Variants in NXPE2 observed in about 807,000 individuals in gnomAD.
The protein encoded by NXPE2 is neurexophilin and PC-esterase domain family member 2.
In NXPE2, 34 loss-of-function variants were observed where a neutral mutation model predicts 34.4. The observed-to-expected ratio is 0.99, with a 90% CI of 0.75 to 1.31. The LOEUF (loss-of-function observed/expected upper bound fraction) is 1.31, where lower values mean the gene tolerates loss of function less well. Ranked by LOEUF, NXPE2 falls within the 40% of genes most tolerant of loss-of-function variation. The pLI, the probability that NXPE2 is intolerant of heterozygous loss-of-function variation, is 0.00. For missense variants in NXPE2, 649 were observed against 672.5 expected (o/e 0.97, Z 0.39); for synonymous variants, 235 against 231.3 (o/e 1.02, Z -0.15).
At chr11:114,568,038 T>G in the NXPE2 span, among the ~76,000 whole-genome samples, 2 of 152,136 alleles carry the variant, frequency 1.3e-5, no homozygotes, top group Non-Finnish European at 2.9e-5. Context: ...TGCCACAGTG[T>G]GTATATTGAT....
At chr11:114,761,300 C>T in the NXPE2 span, among the ~76,000 whole-genome samples, 11 of 152,142 alleles carry the variant, frequency 7.2e-5, no homozygotes, top group Middle Eastern at 3.2e-3. Context: ...GAGAGCAGTA[C>T]GTTCAGCTAT....
chr11:114,813,025 T>C, the NXPE2 span, among the ~76,000 whole-genome samples: 108 of 151,370 alleles, frequency 7.1e-4, no homozygotes, highest in Non-Finnish European at 1.3e-3. Context: ...GCTCTGGGGG[T>C]CAGGGCCACA....
At chr11:114,795,534 C>T in the NXPE2 span, among the ~76,000 whole-genome samples, 1 of 152,134 alleles carries the variant, frequency 6.6e-6, no homozygotes, top group South Asian at 2.1e-4. Flanking sequence ...TTCATCTCTC[C>T]CCGTCTGTTT....
chr11:114,760,089 A>G, the NXPE2 span, among the ~76,000 whole-genome samples: 68 of 152,192 alleles, frequency 4.5e-4, no homozygotes, highest in African/African-American at 1.5e-3. Flanking sequence ...ATTGGGTGCT[A>G]TGGTCTGAAG....
At chr11:114,679,010 C>T (rs755487752) in intron 1 of NXPE2, among the ~76,000 whole-genome samples, 1 of 151,554 alleles carries the variant, frequency 6.6e-6, no homozygotes, top group Non-Finnish European at 1.5e-5. Flanking sequence ...AGCTCTTTGC[C>T]ACATACTTTT....
the NXPE2 span, among the ~76,000 whole-genome samples, chr11:114,536,328 C>T: frequency 1.3e-5 from 2 of 152,070 alleles, no homozygotes. Context: ...CAAGAGAAAG[C>T]AGGAAAGATG....
At chr11:114,668,321 A>G in the NXPE2 span, among the ~76,000 whole-genome samples, 1 of 151,930 alleles carries the variant, frequency 6.6e-6, no homozygotes, top group Non-Finnish European at 1.5e-5. Flanking sequence ...CTGCTAGTGA[A>G]CAGGCTAACA....
chr11:114,777,187 C>A, the NXPE2 span, among the ~76,000 whole-genome samples: 2 of 152,128 alleles, frequency 1.3e-5, no homozygotes, highest in Admixed American at 6.5e-5. Context: ...ATCGTGAGAT[C>A]TAATGTTGAA....
Position 114,698,117 on chromosome 11 carries a change from A to C in NXPE2, c.205A>C (p.Thr69Pro), listed in dbSNP as rs760391789. The change falls in exon 3 of 6, where the codon ACA becomes CCA. Residue 69 changes from threonine to proline, a missense_variant. Physicochemically the swap from Thr to Pro is conservative, Grantham distance 38. Coordinates refer to ENST00000389586, the MANE Select transcript of NXPE2 (RefSeq NM_182495.6). Reference protein sequence around the residue: ...NIFKKYSHSETPLCPAVSPKE... With the variant: ...NIFKKYSHSEPPLCPAVSPKE... ...CTTCAAAAAATATTCACACTCTGAAACACCACTGTGTCCAGCAGTTTCACC... is the reference window on the plus strand; with the variant it reads ...CTTCAAAAAATATTCACACTCTGAACCACCACTGTGTCCAGCAGTTTCACC... The C allele has an allele frequency of 2.5e-6, 4 of 1,613,390 alleles. No homozygotes were observed. The East Asian group carries it at 8.9e-5, about 36-fold the overall frequency.
the NXPE2 span, among the ~76,000 whole-genome samples, chr11:114,474,746 A>G: frequency 6.6e-6 from 1 of 152,188 alleles, no homozygotes; most frequent in Non-Finnish European, 1.5e-5. Context: ...TAGGTGACAT[A>G]TATTGAGTAC....
the NXPE2 span, among the ~76,000 whole-genome samples, chr11:114,616,105 T>A: frequency 6.6e-6 from 1 of 151,636 alleles, no homozygotes; most frequent in East Asian, 1.9e-4. Context: ...AAGTAATGCA[T>A]CATGGGTAAC....
chr11:114,583,990 C>A, the NXPE2 span: 1 of 370,208 alleles, frequency 2.7e-6, no homozygotes, highest in South Asian at 2.4e-5. Context: ...TGGTCATGTC[C>A]AAAGTAATAG....
the NXPE2 span, chr11:114,594,719 AG>A: frequency 1.3e-6 from 2 of 1,598,276 alleles, no homozygotes; most frequent in Non-Finnish European, 8.6e-7. Context: ...TATAAACAAC[AG>A]TGCCAATAGT....
chr11:114,576,106 C>T, the NXPE2 span, among the ~76,000 whole-genome samples: 1 of 151,942 alleles, frequency 6.6e-6, no homozygotes, highest in Non-Finnish European at 1.5e-5. Flanking sequence ...AGGGGAAGAA[C>T]ACCCTGTTCA....
chr11:114,784,673 G>A, the NXPE2 span, among the ~76,000 whole-genome samples: 1 of 152,032 alleles, frequency 6.6e-6, no homozygotes, highest in Non-Finnish European at 1.5e-5. Context: ...TTTTGCTAAG[G>A]GGGGAAAAAA....
At chr11:114,625,051 T>C in the NXPE2 span, among the ~76,000 whole-genome samples, 42 of 150,128 alleles carry the variant, frequency 2.8e-4, no homozygotes, top group Non-Finnish European at 5.8e-4. Flanking sequence ...ACTGTTACCC[T>C]GTGGATGATA....
the NXPE2 span, among the ~76,000 whole-genome samples, chr11:114,601,917 T>G: frequency 2.2e-5 from 1 of 45,334 alleles, no homozygotes; most frequent in Non-Finnish European, 4.1e-5. Context: ...TATATAATTA[T>G]ATATAATATA....
the NXPE2 span, among the ~76,000 whole-genome samples, chr11:114,633,600 C>G: frequency 1.3e-5 from 2 of 151,402 alleles, no homozygotes; most frequent in African/African-American, 2.4e-5. Flanking sequence ...TCTCATAATG[C>G]TATCCCTCCC....
chr11:114,747,221 A>G, the NXPE2 span, among the ~76,000 whole-genome samples: 1 of 152,158 alleles, frequency 6.6e-6, no homozygotes, highest in Non-Finnish European at 1.5e-5. Flanking sequence ...AAATCTGCTT[A>G]CTTAATTTTT....
Sources: allele counts gnomAD v4.1 joint callset (sites outside exome capture counted in the v4.1 genomes callset), GRCh38; gene constraint gnomAD v4.1.1; transcripts MANE v1.5; gene names NCBI Gene and HGNC (gene_info 2026-07-23, HGNC 2026-07-21).